Variants in PCDH11Y observed in about 807,000 individuals in gnomAD.
PCDH11Y encodes the protein protocadherin 11 Y-linked, also known as protocadherin-11 Y-linked.
For missense variants in PCDH11Y, 12 were observed against 224.8 expected (o/e 0.05, Z 6.05); for synonymous variants, 9 against 83.6 (o/e 0.11, Z 4.87).
intron 3 of PCDH11Y, among the ~76,000 whole-genome samples, chrY:5,038,013 T>C: frequency 3.0e-5 from 1 of 32,817 alleles, no homozygotes; most frequent in African/African-American, 1.2e-4. Flanking sequence ...GTGGTATTCA[T>C]TAAGACTGTA....
At chrY:5,510,805 G>A in intron 3 of PCDH11Y, among the ~76,000 whole-genome samples, 1 of 31,330 alleles carries the variant, frequency 3.2e-5, no homozygotes. Flanking sequence ...TGGGGGAACG[G>A]AATCTCACTG....
At chrY:5,711,424 C>G in intron 4 of PCDH11Y, among the ~76,000 whole-genome samples, 1 of 29,272 alleles carries the variant, frequency 3.4e-5, no homozygotes, top group African/African-American at 1.4e-4. Flanking sequence ...TTTGGAGACG[C>G]CTCGTGTGCC....
intron 1 of PCDH11Y, among the ~76,000 whole-genome samples, chrY:5,021,515 G>A: frequency 3.0e-5 from 1 of 33,331 alleles, no homozygotes; most frequent in African/African-American, 1.2e-4. Flanking sequence ...GCGCCAGAGA[G>A]AGATTCTGTC....
At chrY:5,479,375 G>C in intron 2 of PCDH11Y, among the ~76,000 whole-genome samples, 1 of 33,789 alleles carries the variant, frequency 3.0e-5, no homozygotes, top group Non-Finnish European at 7.3e-5. Flanking sequence ...GCCTCTTCTA[G>C]CTTGTAAGGT....
At chrY:5,015,498 C>A in intron 1 of PCDH11Y, among the ~76,000 whole-genome samples, 1 of 32,868 alleles carries the variant, frequency 3.0e-5, no homozygotes, top group Non-Finnish European at 7.5e-5. Flanking sequence ...CATTTCTTTG[C>A]AGAAAAAAAT....
intron 4 of PCDH11Y, among the ~76,000 whole-genome samples, chrY:5,630,650 A>G: frequency 3.0e-5 from 1 of 33,760 alleles, no homozygotes. Flanking sequence ...CTGTGAAACT[A>G]TATAATACAA....
chrY:5,473,437 A>G, intron 2 of PCDH11Y, among the ~76,000 whole-genome samples: 1 of 32,847 alleles, frequency 3.0e-5, no homozygotes, highest in South Asian at 6.6e-4. Context: ...CCCATGTACT[A>G]TTTGTCTTTT....
chrY:5,091,223 G>T, intron 1 of PCDH11Y, among the ~76,000 whole-genome samples: 2 of 33,295 alleles, frequency 6.0e-5, no homozygotes, highest in Admixed American at 5.5e-4. Context: ...GGCATGCTTA[G>T]CCATTGCAGG....
At position 5,078,147 on chromosome Y, in the gene PCDH11Y, C is replaced by T; in HGVS notation, c.637-20068C>T. On this transcript the variant is annotated intron_variant, in intron 1 of 1. Transcript: ENST00000215473. ...GATTTTCTGTTCCTGTGTTAGTTTG[C>T]GGAGGATAATGGCTTCCATCTCCAC... Among the ~76,000 whole-genome samples, 11 of 31,763 alleles carry T rather than the reference C, an allele frequency of 3.5e-4. No homozygotes were observed. The South Asian group carries it at 3.7e-3, about 11-fold the overall frequency. The allele number at this position is 31,763 out of a possible 37,273, so 85.2% of individuals were successfully genotyped here. A position where few individuals can be genotyped will look rare whatever the true frequency, so the allele number is the denominator to read the frequency against.
At chrY:5,365,708 A>G in intron 2 of PCDH11Y, among the ~76,000 whole-genome samples, 1 of 33,336 alleles carries the variant, frequency 3.0e-5, no homozygotes, top group Non-Finnish European at 7.4e-5. Context: ...ACTTTATTTT[A>G]GTCCATTTCT....
chrY:5,666,498 G>T (rs2053544791), intron 4 of PCDH11Y, among the ~76,000 whole-genome samples: 1 of 33,806 alleles, frequency 3.0e-5, no homozygotes, highest in African/African-American at 1.1e-4. Flanking sequence ...TTTAGAACAC[G>T]ACATAAAAGA....
intron 1 of PCDH11Y, among the ~76,000 whole-genome samples, chrY:5,003,090 C>T (rs2052533859): frequency 2.6e-4 from 9 of 34,434 alleles, no homozygotes; most frequent in African/African-American, 7.8e-4. Context: ...GGCTCGCAGC[C>T]CCCCCCCTTC....
intron 2 of PCDH11Y, among the ~76,000 whole-genome samples, chrY:5,337,505 AT>A (rs2053139526): frequency 9.1e-5 from 3 of 32,860 alleles, no homozygotes; most frequent in Admixed American, 8.4e-4. Flanking sequence ...GATCTGAAAT[AT>A]TTGAGGAAGG....
At chrY:5,707,952 A>T (rs2053584052) in intron 4 of PCDH11Y, among the ~76,000 whole-genome samples, 1 of 32,344 alleles carries the variant, frequency 3.1e-5, no homozygotes, top group African/African-American at 1.2e-4. Context: ...TCAAGGACTA[A>T]AAAAAAGATC....
chrY:5,604,507 T>A, intron 4 of PCDH11Y, among the ~76,000 whole-genome samples: 1 of 32,549 alleles, frequency 3.1e-5, no homozygotes, highest in Non-Finnish European at 7.6e-5. Context: ...TCCAGAAGTA[T>A]GTTGTATAGT....
intron 2 of PCDH11Y, among the ~76,000 whole-genome samples, chrY:5,361,315 AAG>A: frequency 3.2e-5 from 1 of 30,995 alleles, no homozygotes; most frequent in Non-Finnish European, 7.7e-5. Context: ...AGGGCATTTT[AAG>A]AGCTTTAACT....
chrY:5,534,300 G>A, intron 3 of PCDH11Y, among the ~76,000 whole-genome samples: 4 of 33,009 alleles, frequency 1.2e-4, no homozygotes, highest in African/African-American at 2.4e-4. Context: ...AAGTTCAGGG[G>A]CACATGTTAT....
intron 3 of PCDH11Y, among the ~76,000 whole-genome samples, chrY:5,545,223 T>C (rs2053411787): frequency 3.1e-5 from 1 of 32,119 alleles, no homozygotes; most frequent in African/African-American, 1.2e-4. Flanking sequence ...TAATGATCCT[T>C]TTGCATTTTT....
chrY:5,276,599 G>A (rs1341310525), intron 2 of PCDH11Y, among the ~76,000 whole-genome samples: 4 of 30,856 alleles, frequency 1.3e-4, no homozygotes, highest in Admixed American at 3.0e-4. Context: ...ACACTGAGAA[G>A]TAACAAAAAG....
Sources: allele counts gnomAD v4.1 joint callset (sites outside exome capture counted in the v4.1 genomes callset), GRCh38; gene constraint gnomAD v4.1.1; transcripts MANE v1.5; gene names NCBI Gene and HGNC (gene_info 2026-07-23, HGNC 2026-07-21).